OR51B5: variants seen among roughly 807,000 people sequenced by gnomAD.
The protein encoded by OR51B5 is olfactory receptor family 51 subfamily B member 5.
For synonymous variants in OR51B5, 186 were observed against 144.8 expected (o/e 1.28, Z -2.04); for missense variants, 456 against 374.6 (o/e 1.22, Z -1.79).
intron 1 of OR51B5, chr11:5,422,938 C>G: frequency 6.2e-7 from 1 of 1,614,108 alleles, no homozygotes; most frequent in African/African-American, 1.3e-5. Context: ...GCCTGTCCCA[C>G]ATTCTAGCTG....
chr11:5,495,114 C>T (rs1303112518), intron 1 of OR51B5, among the ~76,000 whole-genome samples: 1 of 152,084 alleles, frequency 6.6e-6, no homozygotes, highest in Non-Finnish European at 1.5e-5. Context: ...CCCTGGAGTC[C>T]AGATGAGAGG....
chr11:5,414,260 C>A (rs1850198301), intron 1 of OR51B5, among the ~76,000 whole-genome samples: 1 of 151,098 alleles, frequency 6.6e-6, no homozygotes, highest in Non-Finnish European at 1.5e-5. Context: ...CCAGGTCTGC[C>A]CTAGAAGAGC....
intron 1 of OR51B5, among the ~76,000 whole-genome samples, chr11:5,429,810 T>C (rs778083009): frequency 2.6e-5 from 4 of 152,186 alleles, no homozygotes; most frequent in Admixed American, 6.5e-5. Flanking sequence ...TGCCAATAAG[T>C]GTTTATCTAA....
At chr11:5,481,101 A>T (rs1438056918) in intron 1 of OR51B5, among the ~76,000 whole-genome samples, 4 of 62,648 alleles carry the variant, frequency 6.4e-5, no homozygotes, top group Non-Finnish European at 1.1e-4. Context: ...TTGATGCAAA[A>T]ATCCTCCATA....
intron 1 of OR51B5, among the ~76,000 whole-genome samples, chr11:5,504,532 A>G (rs1160256929): frequency 6.6e-6 from 1 of 152,220 alleles, no homozygotes; most frequent in Non-Finnish European, 1.5e-5. Flanking sequence ...GAACAGGGAC[A>G]GCAGATGGGA....
chr11:5,407,026 A>G lies in OR51B5; in HGVS notation n.85-60116T>C, dbSNP rs182710229. On this transcript the variant is annotated intron_variant and non_coding_transcript_variant, in intron 1 of 4. Transcript: ENST00000415970. The stretch of plus-strand genomic sequence containing the variant: ...CAAAATTAATGATTTAAAAGATTTG[A>G]AAAACATCATTAAAAATACTGATCT... 4.1e-3 allele frequency among the ~76,000 whole-genome samples: 624 copies of G among 152,292 alleles called. 5 individuals are homozygous for G. Among genetic ancestry groups the G allele is most frequent in the African/African-American group, 0.014 (600 of 41,578 alleles).
At chr11:5,482,998 C>G (rs1460085912) in intron 1 of OR51B5, among the ~76,000 whole-genome samples, 13 of 124,998 alleles carry the variant, frequency 1.0e-4, no homozygotes, top group East Asian at 2.6e-4. Context: ...CCAGCCATCC[C>G]ATTACTGGGT....
chr11:5,489,789 G>A (rs1461440090), intron 1 of OR51B5: 1 of 705,384 alleles, frequency 1.4e-6, no homozygotes, highest in East Asian at 2.5e-5. Context: ...GAAGGAAGAG[G>A]AATAGCCAGA....
chr11:5,471,529 G>C (rs575450328), intron 1 of OR51B5, among the ~76,000 whole-genome samples: 189 of 151,940 alleles, frequency 1.2e-3, no homozygotes, highest in South Asian at 7.9e-3. Context: ...CCAGTTACTC[G>C]GGAGTCTGAG....
chr11:5,433,839 GA>G lies in OR51B5; in HGVS notation n.84+71729del, dbSNP rs112585133. 6.0e-4 allele frequency among the ~76,000 whole-genome samples: 88 copies of G among 145,840 alleles called. 3 individuals are homozygous for G. In the South Asian group the frequency reaches 0.017, roughly 28 times the overall value. ...AGAATGAGATCTTACATCTAAAAATGAAAAAAAAAAGAACTATGACTATGGA... is the reference window on the plus strand; with the variant it reads ...AGAATGAGATCTTACATCTAAAAATGAAAAAAAAAGAACTATGACTATGGA... On this transcript the variant is annotated intron_variant and non_coding_transcript_variant, in intron 1 of 4. Coordinates refer to the OR51B5 transcript ENST00000415970.
chr11:5,398,316 C>T (rs887711337), intron 1 of OR51B5, among the ~76,000 whole-genome samples: 3 of 152,244 alleles, frequency 2.0e-5, no homozygotes, highest in East Asian at 3.9e-4. Flanking sequence ...GCTTGTTTCC[C>T]TTAGGTTCTC....
chr11:5,340,391 T>TAGAG (rs1409963224), downstream of OR51B5: 1 of 152,130 alleles, frequency 6.6e-6, no homozygotes, highest in Non-Finnish European at 1.5e-5. Flanking sequence ...TTATTATAGT[T>TAGAG]TGAAGTCACT....
At chr11:5,364,624 TC>T (rs1849339030) in intron 1 of OR51B5, among the ~76,000 whole-genome samples, 1 of 152,054 alleles carries the variant, frequency 6.6e-6, no homozygotes, top group East Asian at 1.9e-4. Flanking sequence ...GTCTCTCTCT[TC>T]CTCTTCTCAC....
At chr11:5,390,092 C>G in intron 1 of OR51B5, 1 of 1,613,802 alleles carries the variant, frequency 6.2e-7, no homozygotes, top group Non-Finnish European at 8.5e-7. Flanking sequence ...GTCCTATGGA[C>G]TCATCCTGCA....
chr11:5,476,170 G>A (rs1851301981), intron 1 of OR51B5, among the ~76,000 whole-genome samples: 2 of 152,154 alleles, frequency 1.3e-5, no homozygotes, highest in African/African-American at 2.4e-5. Flanking sequence ...TGACATCTCA[G>A]TGGATTATAA....
intron 1 of OR51B5, among the ~76,000 whole-genome samples, chr11:5,349,388 T>G (rs977785208): frequency 1.3e-4 from 19 of 147,582 alleles, no homozygotes; most frequent in African/African-American, 4.7e-4. Flanking sequence ...TTTCCCTATC[T>G]GGTATTCCTA....
upstream of OR51B5, among the ~76,000 whole-genome samples, chr11:5,347,440 T>A (rs184689068): frequency 6.6e-6 from 1 of 152,188 alleles, no homozygotes; most frequent in Non-Finnish European, 1.5e-5. Flanking sequence ...CTTCTTGAGT[T>A]TAGCCTACCA....
chr11:5,469,217 G>GA (rs58849486), intron 1 of OR51B5: 18,777 of 160,596 alleles, frequency 0.12, 1,269 homozygotes, highest in African/African-American at 0.17. Context: ...GTCATTAACA[G>GA]AAAAAAGAGA....
At chr11:5,394,822 C>G (rs916357981) in intron 1 of OR51B5, among the ~76,000 whole-genome samples, 1 of 152,182 alleles carries the variant, frequency 6.6e-6, no homozygotes, top group Non-Finnish European at 1.5e-5. Context: ...TTCTGAAAGA[C>G]AGAGTTTGTG....
Sources: allele counts gnomAD v4.1 joint callset (sites outside exome capture counted in the v4.1 genomes callset), GRCh38; gene constraint gnomAD v4.1.1; transcripts MANE v1.5; gene names NCBI Gene and HGNC (gene_info 2026-07-23, HGNC 2026-07-21).